The following SLC30A3 variants were observed in gnomAD, a reference collection of about 807,000 sequenced individuals.
The protein encoded by SLC30A3 is probable proton-coupled zinc antiporter SLC30A3.
In SLC30A3, 20 loss-of-function variants were observed where a neutral mutation model predicts 35.6. The ratio of observed to expected loss-of-function variants is 0.56; its 90% CI spans 0.39 to 0.82. The LOEUF (loss-of-function observed/expected upper bound fraction) is 0.82. Ranked by LOEUF, SLC30A3 falls within the 40% of genes least tolerant of loss-of-function variation. The pLI is 0.00. For missense variants in SLC30A3, 401 were observed against 530.6 expected (o/e 0.76, Z 2.40); for synonymous variants, 217 against 224.7 (o/e 0.97, Z 0.31).
rs759566076 is a variant in SLC30A3 at position 27,256,511 on chromosome 2, C to T, written c.893G>A (p.Arg298His). The change falls in exon 7 of 8, where the codon CGC (arginine) becomes CAC (histidine). Residue 298 changes from arginine to histidine, a missense_variant. Arg to His is a conservative substitution (Grantham distance 29, BLOSUM62 0). Coordinates refer to ENST00000233535, the MANE Select transcript of SLC30A3 (RefSeq NM_003459.5). ...VLRILMEGTPRNVGFEPVRDT... is the reference protein window; with the variant it reads ...VLRILMEGTPHNVGFEPVRDT... ...CCGCACAGGTTCGAACCCCACATTG[C>T]GGGGGGTACCTGCAACCAGCACCAG... 12 of 1,613,850 alleles carry T rather than the reference C, an allele frequency of 7.4e-6. No individual in the cohort carries two copies. The highest frequency in any genetic ancestry group is 2.2e-5 in the East Asian group (1 of 44,886).
Position 27,271,849 on chromosome 2 carries a change from A to G in SLC30A3, c.-159+3328T>C, listed in dbSNP as rs1299655135. 2.0e-5 allele frequency among the ~76,000 whole-genome samples: 3 copies of G among 152,234 alleles called. No homozygotes were observed. The highest frequency in any genetic ancestry group is 7.2e-5 in the African/African-American group (3 of 41,460). ...GAGCAGAGCCTCGCAAGACTTACAG[A>G]TAACGGCTATTTCAAGAGCCATGAA... is the stretch of plus-strand genomic sequence containing the variant. On this transcript the variant is annotated intron_variant, in intron 1 of 5. Transcript: ENST00000424577. The surrounding 1 kb of genome is among the most constrained non-coding windows in gnomAD (Gnocchi z 4.3).
In SLC30A3 at chr2:27,257,775, G is replaced by C; in HGVS notation, c.578+130C>G. 1 of 936,440 alleles carries C rather than the reference G, an allele frequency of 1.1e-6. No homozygotes were observed. The highest frequency in any genetic ancestry group is 1.6e-6 in the Non-Finnish European group (1 of 618,146). 58.0% of individuals were successfully genotyped at this position (936,440 alleles called of 1,614,324 possible). A position where few individuals can be genotyped will look rare whatever the true frequency, so the allele number is the denominator to read the frequency against. On this transcript the variant is annotated intron_variant, in intron 4 of 7. Transcript: ENST00000233535. This position sits in a 1 kb window ranked among gnomAD's most constrained non-coding sequence, Gnocchi z 4.7. ...CCCAGACCCTTCTCAGGCACACGCA[G>C]GGCAGCCCATGGAGAGCTGTGTGTG...
chr2:27,258,284 C>A lies in SLC30A3; in HGVS notation c.301G>T (p.Ala101Ser). 3 of 1,525,594 alleles carry A rather than the reference C, an allele frequency of 2.0e-6. No homozygotes were observed. The highest frequency in any genetic ancestry group is 2.6e-6 in the Non-Finnish European group (3 of 1,135,494). 94.5% of individuals were successfully genotyped at this position (1,525,594 alleles called of 1,614,324 possible). ...AAGTGGGCTGCATCGGTCATGATGG[C>A]CAGGCTGTGTGCCAGATACCCGCCT... ...VVGGYLAHSL[A>S]IMTDAAHLLA... Residue 101 changes from alanine to serine, a missense_variant, in exon 3 of 8, where the codon GCC (alanine) becomes TCC (serine). By Grantham distance (99) the Ala-to-Ser change is moderately conservative. Around this residue, in one of 3 missense-constraint regions of SLC30A3, gnomAD observed 296 missense variants for 392.6 expected, o/e 0.75. Coordinates refer to ENST00000233535, the MANE Select transcript of SLC30A3 (RefSeq NM_003459.5). This position sits in a 1 kb window ranked among gnomAD's most constrained non-coding sequence, Gnocchi z 4.0.
upstream of SLC30A3, among the ~76,000 whole-genome samples, chr2:27,264,629 G>A (rs1232965661): frequency 6.6e-6 from 1 of 152,166 alleles, no homozygotes; most frequent in Admixed American, 6.5e-5. The surrounding 1 kb of genome is among the most constrained non-coding windows in gnomAD (Gnocchi z 6.1). Context: ...GGCTGCGCCA[G>A]CCTCTCCTCC....
intron 1 of SLC30A3, among the ~76,000 whole-genome samples, chr2:27,260,717 A>G (rs762098864): frequency 2.6e-5 from 4 of 152,112 alleles, no homozygotes; most frequent in Non-Finnish European, 4.4e-5. Flanking sequence ...GGGTGAACTG[A>G]GTTTTGAGGG....
chr2:27,257,318 G>C lies in SLC30A3; in HGVS notation c.613C>G (p.His205Asp), dbSNP rs148758588. ...AFVLHQAGPP[H>D]SHGSRGAEYA... Reference sequence around the variant, plus strand: ...TCTGCTCCCCTAGACCCGTGGCTGTGGGGGGGCCCAGCCTGGTGCAGCACA... The same window carrying C: ...TCTGCTCCCCTAGACCCGTGGCTGTCGGGGGGCCCAGCCTGGTGCAGCACA... The change falls in exon 5 of 8, where the codon CAC becomes GAC. Residue 205 changes from histidine (H) to aspartate (D), a missense_variant. Physicochemically the swap from His to Asp is moderately conservative, Grantham distance 81 (BLOSUM62 -1). Coordinates refer to ENST00000233535, the MANE Select transcript of SLC30A3 (RefSeq NM_003459.5). The surrounding 1 kb of genome is among the most constrained non-coding windows in gnomAD (Gnocchi z 4.7). 22 of 1,612,918 alleles carry C rather than the reference G, an allele frequency of 1.4e-5. 1 individual carries two copies. The highest frequency in any genetic ancestry group is 6.6e-5 in the South Asian group (6 of 90,970).
At chr2:27,270,365 T>G (rs1384856638) in intron 1 of SLC30A3, among the ~76,000 whole-genome samples, 1 of 152,086 alleles carries the variant, frequency 6.6e-6, no homozygotes, top group Admixed American at 6.6e-5. Flanking sequence ...GAGGGCAGCA[T>G]GACGGCACTG....
upstream of SLC30A3, chr2:27,264,233 A>C: frequency 2.4e-6 from 1 of 416,512 alleles, no homozygotes; most frequent in Non-Finnish European, 4.8e-6. The surrounding 1 kb of genome is among the most constrained non-coding windows in gnomAD (Gnocchi z 6.1). Context: ...CAAGAAACTC[A>C]TCAGCCGCAT....
upstream of SLC30A3, among the ~76,000 whole-genome samples, chr2:27,265,102 T>G (rs1572486065): frequency 6.6e-6 from 1 of 152,216 alleles, no homozygotes; most frequent in Non-Finnish European, 1.5e-5. This position sits in a 1 kb window ranked among gnomAD's most constrained non-coding sequence, Gnocchi z 5.9. Flanking sequence ...TTGGCACGGC[T>G]CAGCCGATGA....
At position 27,271,834 on chromosome 2, in the gene SLC30A3, T is replaced by G. The variant is rs2148156591; in HGVS notation, c.-159+3343A>C. Among the ~76,000 whole-genome samples, 1 of 152,340 alleles carries G rather than the reference T, an allele frequency of 6.6e-6. No individual in the cohort carries two copies. The highest frequency in any genetic ancestry group is 3.4e-3 in the Middle Eastern group (1 of 294). On this transcript the variant is annotated intron_variant, in intron 1 of 5. Coordinates refer to the SLC30A3 transcript ENST00000424577. This position sits in a 1 kb window ranked among gnomAD's most constrained non-coding sequence, Gnocchi z 4.3. ...GTGACATTCTATTCAGAGCAGAGCCTCGCAAGACTTACAGATAACGGCTAT... is the reference window on the plus strand; with the variant it reads ...GTGACATTCTATTCAGAGCAGAGCCGCGCAAGACTTACAGATAACGGCTAT...
In SLC30A3 at chr2:27,262,972, A is replaced by G; in HGVS notation, c.-66T>C. 1 of 1,440,292 alleles carries G rather than the reference A, an allele frequency of 6.9e-7. No homozygotes were observed. Among genetic ancestry groups the G allele is most frequent in the South Asian group, 1.4e-5 (1 of 70,058 alleles). The allele number at this position is 1,440,292 out of a possible 1,614,324, so 89.2% of individuals were successfully genotyped here. ...GAGAGGCCGGGCCGGCCCCGCGCCA[A>G]GTCCGAGCAGCCCGCCGACCCCCGG... On this transcript the variant is annotated 5_prime_UTR_variant, in exon 1 of 8. Coordinates refer to ENST00000233535, the MANE Select transcript of SLC30A3 (RefSeq NM_003459.5). The surrounding 1 kb of genome is among the most constrained non-coding windows in gnomAD (Gnocchi z 7.5).
At position 27,257,752 on chromosome 2, in the gene SLC30A3, C is replaced by A. The variant is rs1676947368; in HGVS notation, c.578+153G>T. 2 of 782,560 alleles carry A rather than the reference C, an allele frequency of 2.6e-6. No homozygotes were observed. Among genetic ancestry groups the A allele is most frequent in the Non-Finnish European group, 4.1e-6 (2 of 490,542 alleles). 48.5% of individuals were successfully genotyped at this position (782,560 alleles called of 1,614,324 possible). A position where few individuals can be genotyped will look rare whatever the true frequency, so the allele number is the denominator to read the frequency against. On this transcript the variant is annotated intron_variant, in intron 4 of 7. Coordinates refer to ENST00000233535, the MANE Select transcript of SLC30A3 (RefSeq NM_003459.5). The surrounding 1 kb of genome is among the most constrained non-coding windows in gnomAD (Gnocchi z 4.7). ...CTGACTGAATTTTAGGTCTCTATCC[C>A]AGACCCTTCTCAGGCACACGCAGGG...
chr2:27,268,520 G>A (rs1232496832), intron 1 of SLC30A3, among the ~76,000 whole-genome samples: 3 of 152,136 alleles, frequency 2.0e-5, no homozygotes, highest in African/African-American at 7.2e-5. Flanking sequence ...TTGGGAGGCC[G>A]AGGTGGGCGG....
In SLC30A3 at chr2:27,258,117, C is replaced by G. The variant is rs997918986; in HGVS notation, c.424+44G>C. Reference sequence around the variant, plus strand: ...CCTGCTTGGGACCCTGACGGGTGCCCTCTGGCAAGATTGGAGAGTCACTGG... The same window carrying G: ...CCTGCTTGGGACCCTGACGGGTGCCGTCTGGCAAGATTGGAGAGTCACTGG... On this transcript the variant is annotated intron_variant, in intron 3 of 7. Transcript: ENST00000233535. This position sits in a 1 kb window ranked among gnomAD's most constrained non-coding sequence, Gnocchi z 4.0. The G allele has an allele frequency of 6.2e-7, 1 of 1,606,436 alleles. No individual in the cohort carries two copies. The highest frequency in any genetic ancestry group is 8.5e-7 in the Non-Finnish European group (1 of 1,174,042).
chr2:27,273,402 T>C (rs528311064), intron 1 of SLC30A3, among the ~76,000 whole-genome samples: 1 of 152,242 alleles, frequency 6.6e-6, no homozygotes, highest in Non-Finnish European at 1.5e-5. Context: ...TCTTACAGAC[T>C]GAGGCAAGGA....
upstream of SLC30A3, among the ~76,000 whole-genome samples, chr2:27,265,189 G>A (rs1331080672): frequency 6.6e-6 from 1 of 152,236 alleles, no homozygotes; most frequent in African/African-American, 2.4e-5. The surrounding 1 kb of genome is among the most constrained non-coding windows in gnomAD (Gnocchi z 5.9). Flanking sequence ...CAGCAGCACC[G>A]AGTGCCAGGA....
At chr2:27,273,508 G>A (rs1677825623) in intron 1 of SLC30A3, among the ~76,000 whole-genome samples, 1 of 146,110 alleles carries the variant, frequency 6.8e-6, no homozygotes, top group Non-Finnish European at 1.5e-5. Flanking sequence ...GTCCTCCCAT[G>A]ATAGTCATGA....
chr2:27,257,487 A>C lies in SLC30A3; in HGVS notation c.579-135T>G. 9.8e-6 allele frequency: 8 copies of C among 819,536 alleles called. No individual in the cohort carries two copies. Among genetic ancestry groups the C allele is most frequent in the Non-Finnish European group, 1.6e-5 (8 of 505,822 alleles). The allele number at this position is 819,536 out of a possible 1,614,324, so 50.8% of individuals were successfully genotyped here. ...CAGCATTTTGCAAGAGAGATAAACA[A>C]TGCAGCCTGGGGGAAAGAATACCAG... On this transcript the variant is annotated intron_variant, in intron 4 of 7. Coordinates refer to ENST00000233535, the MANE Select transcript of SLC30A3 (RefSeq NM_003459.5). The surrounding 1 kb of genome is among the most constrained non-coding windows in gnomAD (Gnocchi z 4.7).
In SLC30A3 at chr2:27,257,286, T is replaced by G. The variant is rs1396829446; in HGVS notation, c.645A>C (p.Ala215=). The G allele has an allele frequency of 1.2e-6, 2 of 1,613,890 alleles. No homozygotes were observed. The highest frequency in any genetic ancestry group is 3.3e-5 in the Admixed American group (2 of 60,006). The change falls in exon 5 of 8, where the codon GCA becomes GCC. Residue 215 remains alanine (A), a synonymous_variant. Transcript: ENST00000233535. The surrounding 1 kb of genome is among the most constrained non-coding windows in gnomAD (Gnocchi z 4.7). ...HSHGSRGAEY[A]PLEEGPEEPL... Reference sequence around the variant, plus strand: ...GCTCTTCAGGCCCCTCCTCCAGCGGTGCATACTCTGCTCCCCTAGACCCGT... The same window carrying G: ...GCTCTTCAGGCCCCTCCTCCAGCGGGGCATACTCTGCTCCCCTAGACCCGT...
Sources: allele counts gnomAD v4.1 joint callset (sites outside exome capture counted in the v4.1 genomes callset), GRCh38; gene constraint gnomAD v4.1.1; regional missense constraint gnomAD v4.1.1; non-coding constraint Gnocchi (gnomAD v3.1); transcripts MANE v1.5; gene names NCBI Gene and HGNC (gene_info 2026-07-23, HGNC 2026-07-21).